The following AUTS2 variants were observed in gnomAD, a reference collection of about 807,000 sequenced individuals.
The protein encoded by AUTS2 is activator of transcription and developmental regulator AUTS2.
A neutral mutation model predicts 112.4 loss-of-function variants in AUTS2; 17 were observed. That is an observed-to-expected ratio of 0.15 (90% CI 0.10 to 0.23). The LOEUF (loss-of-function observed/expected upper bound fraction) is 0.23. Among genes scored for constraint, AUTS2 ranks in the 10% least tolerant of loss-of-function variants. AUTS2 has a pLI of 1.00. For missense variants in AUTS2, 1,510 were observed against 1,701.6 expected, an observed-to-expected ratio of 0.89 and a Z score of 1.98; for synonymous variants, 751 against 702.7, an observed-to-expected ratio of 1.07 and a Z score of -1.09.
chr7:69,800,484 G>A (rs1790034369), intron 1 of AUTS2, among the ~76,000 whole-genome samples: 1 of 152,036 alleles, frequency 6.6e-6, no homozygotes, highest in Non-Finnish European at 1.5e-5. Context: ...GGTATGATAA[G>A]CCCCCCTAAC....
chr7:70,478,778 A>G (rs897428618), intron 5 of AUTS2, among the ~76,000 whole-genome samples: 4 of 151,984 alleles, frequency 2.6e-5, no homozygotes, highest in Non-Finnish European at 5.9e-5. Context: ...TTATTAGCAA[A>G]CTAGCTACAA....
Position 70,602,317 on chromosome 7 carries a change from G to T in AUTS2, c.691-96252G>T, listed in dbSNP as rs140160500. 8.1e-3 allele frequency among the ~76,000 whole-genome samples: 1,228 copies of T among 152,296 alleles called. 17 individuals carry two copies. The highest frequency in any genetic ancestry group is 0.028 in the African/African-American group (1,158 of 41,546). ...AACCAAAGCTCCAGGAAGTGACTTGGCTAATGTCACCGGTTGGACTGTAGC... is the reference window on the plus strand; with the variant it reads ...AACCAAAGCTCCAGGAAGTGACTTGTCTAATGTCACCGGTTGGACTGTAGC... On this transcript the variant is annotated intron_variant, in intron 5 of 18. Coordinates refer to ENST00000342771, the MANE Select transcript of AUTS2 (RefSeq NM_015570.4).
chr7:70,635,627 A>G (rs927397146), intron 5 of AUTS2, among the ~76,000 whole-genome samples: 3 of 152,142 alleles, frequency 2.0e-5, no homozygotes, highest in Non-Finnish European at 4.4e-5. Flanking sequence ...TGGCAGTGGG[A>G]AGGAGAGAGG....
intron 11 of AUTS2, 105 bp downstream of exon 11, chr7:70,771,749 A>G (rs1169254798): frequency 4.1e-6 from 4 of 964,490 alleles, no homozygotes; most frequent in Non-Finnish European, 6.4e-6. Flanking sequence ...TGACTCATTA[A>G]TCAGGTCCTA....
chr7:70,759,131 A>C (rs947208350), intron 6 of AUTS2, among the ~76,000 whole-genome samples: 24 of 152,156 alleles, frequency 1.6e-4, no homozygotes, highest in Non-Finnish European at 3.4e-4. Flanking sequence ...TAAATATTTT[A>C]ACTGAATCCT....
intron 4 of AUTS2, among the ~76,000 whole-genome samples, chr7:70,186,590 G>A (rs1485722492): frequency 6.6e-6 from 1 of 152,046 alleles, no homozygotes; most frequent in Non-Finnish European, 1.5e-5. Flanking sequence ...AATTTTTTGA[G>A]ATGGAGTCTC....
chr7:70,054,677 T>G (rs1006424577), intron 2 of AUTS2, among the ~76,000 whole-genome samples: 4 of 152,208 alleles, frequency 2.6e-5, no homozygotes, highest in African/African-American at 9.7e-5. Flanking sequence ...AAAACTGCTT[T>G]GGTAAATCAT....
At position 70,265,379 on chromosome 7, in the gene AUTS2, G is replaced by A. The variant is rs188477542; in HGVS notation, c.660+130808G>A. The stretch of plus-strand genomic sequence containing the variant: ...GTATGCAGTTTGTCTTTTTTTTAAT[G>A]TGATAAATGAACGTATTTTCTAACT... On this transcript the variant is annotated intron_variant, in intron 4 of 18. Transcript: ENST00000342771. Among the ~76,000 whole-genome samples the A allele has an allele frequency of 2.0e-5, 3 of 152,170 alleles. No homozygotes were observed. The East Asian group carries it at 5.8e-4, about 29-fold the overall frequency.
At chr7:70,492,765 T>C (rs1395652953) in intron 5 of AUTS2, among the ~76,000 whole-genome samples, 1 of 152,118 alleles carries the variant, frequency 6.6e-6, no homozygotes, top group East Asian at 1.9e-4. Flanking sequence ...ACGAAAGGCC[T>C]TGGCTTGGAG....
chr7:70,380,186 G>T (rs1053950588), intron 4 of AUTS2, among the ~76,000 whole-genome samples: 2 of 152,200 alleles, frequency 1.3e-5, no homozygotes, highest in African/African-American at 4.8e-5. Context: ...CTTGAGCAAG[G>T]ACTTAGGTAT....
At chr7:70,479,876 G>T (rs1221525334) in intron 5 of AUTS2, among the ~76,000 whole-genome samples, 3 of 152,214 alleles carry the variant, frequency 2.0e-5, no homozygotes, top group African/African-American at 7.2e-5. Flanking sequence ...GTGTGAGAGT[G>T]TGAAAGGTAA....
At chr7:70,522,532 A>G (rs997136096) in intron 5 of AUTS2, among the ~76,000 whole-genome samples, 2 of 152,128 alleles carry the variant, frequency 1.3e-5, no homozygotes, top group African/African-American at 2.4e-5. Context: ...TTTAGCTTCC[A>G]CTTACAAGGG....
intron 2 of AUTS2, among the ~76,000 whole-genome samples, chr7:69,962,830 A>G (rs1341017270): frequency 1.3e-5 from 2 of 152,122 alleles, no homozygotes; most frequent in Non-Finnish European, 2.9e-5. Context: ...AAAAGCACGT[A>G]CAAAGGGTGG....
At chr7:69,821,496 C>T (rs891709374) in intron 1 of AUTS2, among the ~76,000 whole-genome samples, 6 of 152,076 alleles carry the variant, frequency 3.9e-5, no homozygotes, top group Non-Finnish European at 8.8e-5. Context: ...CCCCAGCCAG[C>T]GGTAGCAATG....
At chr7:70,546,875 C>T (rs1800809786) in intron 5 of AUTS2, among the ~76,000 whole-genome samples, 1 of 152,128 alleles carries the variant, frequency 6.6e-6, no homozygotes. Flanking sequence ...GCATTACCCA[C>T]AGATGTGCAT....
intron 5 of AUTS2, among the ~76,000 whole-genome samples, chr7:70,640,243 G>A (rs1386523050): frequency 2.0e-5 from 3 of 151,820 alleles, no homozygotes; most frequent in African/African-American, 4.8e-5. Context: ...CATTTCTCTT[G>A]GAGCTCCTAA....
At chr7:70,669,209 C>G (rs1313155489) in intron 5 of AUTS2, among the ~76,000 whole-genome samples, 1 of 152,176 alleles carries the variant, frequency 6.6e-6, no homozygotes. Flanking sequence ...ATTCCCGAGT[C>G]AGGCTCACAT....
intron 5 of AUTS2, among the ~76,000 whole-genome samples, chr7:70,585,945 C>A (rs950635397): frequency 2.0e-5 from 3 of 152,048 alleles, no homozygotes; most frequent in Non-Finnish European, 4.4e-5. Context: ...TCACTGCAAC[C>A]TCTACCTCCC....
intron 1 of AUTS2, among the ~76,000 whole-genome samples, chr7:69,796,796 C>T (rs557446292): frequency 6.6e-6 from 1 of 152,002 alleles, no homozygotes; most frequent in East Asian, 1.9e-4. Flanking sequence ...TTTAATTGAC[C>T]TTCATGTATA....
Sources: allele counts gnomAD v4.1 joint callset (sites outside exome capture counted in the v4.1 genomes callset), GRCh38; gene constraint gnomAD v4.1.1; transcripts MANE v1.5; gene names NCBI Gene and HGNC (gene_info 2026-07-23, HGNC 2026-07-21).